Variants in OGFOD3 observed in about 807,000 individuals in gnomAD.
OGFOD3 encodes the protein 2-oxoglutarate and iron-dependent oxygenase domain-containing protein 3.
A neutral mutation model predicts 39.8 loss-of-function variants in OGFOD3; 35 were observed. The ratio of observed to expected loss-of-function variants is 0.88; its 90% CI spans 0.67 to 1.17. The LOEUF (loss-of-function observed/expected upper bound fraction) is 1.17, where lower values mean the gene tolerates loss of function less well. Among genes scored for constraint, OGFOD3 ranks in the 50% most tolerant of loss-of-function variants. The probability of loss-of-function intolerance (pLI) is 0.00; values close to 1 mark genes in which losing one functional copy is unlikely to be tolerated. For missense variants in OGFOD3, 438 were observed against 454.5 expected (o/e 0.96, Z 0.33); for synonymous variants, 200 against 192.0 (o/e 1.04, Z -0.34).
In OGFOD3 at chr17:82,392,445, A is replaced by G. The variant is rs772896138; in HGVS notation, c.913T>C (p.Phe305Leu). The change falls in exon 9 of 9, where the codon TTC (phenylalanine) becomes CTC (leucine). Residue 305 changes from phenylalanine to leucine, a missense_variant. Physicochemically the swap from Phe to Leu is conservative, Grantham distance 22. Coordinates refer to ENST00000313056, the MANE Select transcript of OGFOD3 (RefSeq NM_024648.3). This position sits in a 1 kb window ranked among gnomAD's most constrained non-coding sequence, Gnocchi z 4.2. ...WGTRYAITIA[F>L]SCNPDHGIED... ...ATGCCATGGTCGGGGTTGCAGCTGAAGGCGATGGTGATGGCGTAACGGGTG... is the reference window on the plus strand; with the variant it reads ...ATGCCATGGTCGGGGTTGCAGCTGAGGGCGATGGTGATGGCGTAACGGGTG... 1 of 1,612,922 alleles carries G rather than the reference A, an allele frequency of 6.2e-7. No homozygotes were observed. The highest frequency in any genetic ancestry group is 1.1e-5 in the South Asian group (1 of 90,686).
chr17:82,403,874 C>T (rs1320326231), intron 7 of OGFOD3, 63 bp downstream of exon 7: 4 of 1,530,608 alleles, frequency 2.6e-6, no homozygotes, highest in East Asian at 2.4e-5. Context: ...GCGCACTCAC[C>T]GTGCCCACGG....
In OGFOD3 at chr17:82,394,818, C is replaced by T. The variant is rs978315932; in HGVS notation, c.824-2284G>A. 4.6e-5 allele frequency among the ~76,000 whole-genome samples: 7 copies of T among 152,292 alleles called. No individual in the cohort carries two copies. In the East Asian group the frequency reaches 5.8e-4, roughly 13 times the overall value. ...AGAGGGGCTGGGGACAGAGGCCAGCCGTGCCTGCACCACCAGCCCCCCAGT... is the reference window on the plus strand; with the variant it reads ...AGAGGGGCTGGGGACAGAGGCCAGCTGTGCCTGCACCACCAGCCCCCCAGT... On this transcript the variant is annotated intron_variant, in intron 8 of 8. Transcript: ENST00000313056.
chr17:82,407,626 G>A (rs754337602), intron 4 of OGFOD3, among the ~76,000 whole-genome samples: 10 of 152,190 alleles, frequency 6.6e-5, no homozygotes, highest in Non-Finnish European at 1.2e-4. Context: ...GACCCCAGAG[G>A]AGCCCCACTG....
In OGFOD3 at chr17:82,415,409, C is replaced by T. The variant is rs1451615375; in HGVS notation, c.293G>A (p.Arg98His). ...CTTTCCTGAACTACCTTCGAACCTGCGGTGACTGTCGTAGTCCTCAGAGCA... is the reference window on the plus strand; with the variant it reads ...CTTTCCTGAACTACCTTCGAACCTGTGGTGACTGTCGTAGTCCTCAGAGCA... ...VPCSEDYDSH[R>H]RFEGCTPRKC... is the part of the protein sequence containing the mutation. The change falls in exon 2 of 9, where the codon CGC (arginine) becomes CAC (histidine). Residue 98 changes from arginine to histidine, a missense_variant. Transcript: ENST00000313056. The surrounding 1 kb of genome is among the most constrained non-coding windows in gnomAD (Gnocchi z 5.3). The T allele has an allele frequency of 6.2e-7, 1 of 1,613,098 alleles. No homozygotes were observed. Among genetic ancestry groups the T allele is most frequent in the Admixed American group, 1.7e-5 (1 of 59,952 alleles).
At chr17:82,398,114 G>C (rs1343683794) in intron 8 of OGFOD3, 82 bp downstream of exon 8, 2 of 1,547,330 alleles carry the variant, frequency 1.3e-6, no homozygotes, top group Non-Finnish European at 1.8e-6. Flanking sequence ...ACTCAGCCTC[G>C]CTCCCAGGGA....
rs1292362448 is a variant in OGFOD3, at chr17:82,405,269, C to T, written c.545+55G>A. On this transcript the variant is annotated intron_variant, in intron 6 of 8. Transcript: ENST00000313056. ...CCGGACCGGCCAGCTCTGCCACACC[C>T]CTCAGCCCCAGGCCACCCCGCCTGC... is the stretch of plus-strand genomic sequence containing the variant. 4 of 1,506,256 alleles carry T rather than the reference C, an allele frequency of 2.7e-6. No individual in the cohort carries two copies. The East Asian group carries it at 6.8e-5, about 26-fold the overall frequency. The allele number at this position is 1,506,256 out of a possible 1,614,324, so 93.3% of individuals were successfully genotyped here. A position where few individuals can be genotyped will look rare whatever the true frequency, so the allele number is the denominator to read the frequency against.
In OGFOD3 at chr17:82,406,850, C is replaced by T. The variant is rs528432748; in HGVS notation, c.424-368G>A. Among the ~76,000 whole-genome samples the T allele has an allele frequency of 8.7e-3, 1,325 of 152,292 alleles. 19 individuals are homozygous for T. Among genetic ancestry groups the T allele is most frequent in the Non-Finnish European group, 0.014 (977 of 68,026 alleles). On this transcript the variant is annotated intron_variant, in intron 4 of 8. Transcript: ENST00000313056. The surrounding 1 kb of genome is among the most constrained non-coding windows in gnomAD (Gnocchi z 5.2). Reference sequence around the variant, plus strand: ...CTCCGGGGCTCAAGTGATCCTCCCACCTCAGCCTCCCAAAGTACTGGGATT... The same window carrying T: ...CTCCGGGGCTCAAGTGATCCTCCCATCTCAGCCTCCCAAAGTACTGGGATT...
chr17:82,403,981 C>A lies in OGFOD3; in HGVS notation c.655G>T (p.Ala219Ser). The change falls in exon 7 of 9, where the codon GCG becomes TCG. Residue 219 changes from alanine (A) to serine (S), a missense_variant. By Grantham distance (99) the Ala-to-Ser change is moderately conservative (BLOSUM62 1). Coordinates refer to ENST00000313056, the MANE Select transcript of OGFOD3 (RefSeq NM_024648.3). ...TFFSRINSTE[A>S]RTAHDEYWHA... ...CAGTACTCGTCGTGCGCCGTCCGCG[C>A]TTCCGTGCTGTTTATGCGGGAGAAG... is the stretch of plus-strand genomic sequence containing the variant. 6.2e-7 allele frequency: 1 copy of A among 1,610,108 alleles called. No homozygotes were observed. The highest frequency in any genetic ancestry group is 1.1e-5 in the South Asian group (1 of 90,248).
chr17:82,395,547 C>T (rs944565821), intron 8 of OGFOD3, among the ~76,000 whole-genome samples: 2 of 152,156 alleles, frequency 1.3e-5, no homozygotes, highest in Admixed American at 6.5e-5. Flanking sequence ...CACGGCCGGG[C>T]GTGGTGGCTC....
rs1485041130 is a variant in OGFOD3 at position 82,398,229 on chromosome 17, C to T, written c.790G>A (p.Glu264Lys). ...FGGGRFMFME[E>K]GANKTVEPRA... ...GGCTCCACCGTCTTGTTGGCACCCT[C>T]CTCCATGAACATGAACCGCCCTCCG... Residue 264 changes from glutamate to lysine, a missense_variant, in exon 8 of 9, where the codon GAG (glutamate) becomes AAG (lysine). Glu to Lys is a moderately conservative substitution (Grantham distance 56). Transcript: ENST00000313056. 6.2e-7 allele frequency: 1 copy of T among 1,614,022 alleles called. No homozygotes were observed. The highest frequency in any genetic ancestry group is 8.5e-7 in the Non-Finnish European group (1 of 1,180,014).
Position 82,392,591 on chromosome 17 carries a change from T to A in OGFOD3, c.824-57A>T. 1 of 1,542,978 alleles carries A rather than the reference T, an allele frequency of 6.5e-7. No homozygotes were observed. The highest frequency in any genetic ancestry group is 1.2e-5 in the South Asian group (1 of 82,660). On this transcript the variant is annotated intron_variant, in intron 8 of 8. Coordinates refer to ENST00000313056, the MANE Select transcript of OGFOD3 (RefSeq NM_024648.3). This position sits in a 1 kb window ranked among gnomAD's most constrained non-coding sequence, Gnocchi z 4.2. ...AGAGCCACACCCACGGCCACAGCCT[T>A]CAGAGGGTCTGCGGTCACCTGAAAG...
Position 82,415,821 on chromosome 17 carries a change from C to G in OGFOD3, c.75-194G>C, listed in dbSNP as rs1325861492. 6.6e-6 allele frequency among the ~76,000 whole-genome samples: 1 copy of G among 151,844 alleles called. No individual in the cohort carries two copies. The highest frequency in any genetic ancestry group is 2.4e-5 in the African/African-American group (1 of 41,276). ...CTTCCCTCCCTTTCCCTTCAGGGATCTCCAATACACACTAACTGCCTTCTG... is the reference window on the plus strand; with the variant it reads ...CTTCCCTCCCTTTCCCTTCAGGGATGTCCAATACACACTAACTGCCTTCTG... On this transcript the variant is annotated intron_variant, in intron 1 of 8. Coordinates refer to ENST00000313056, the MANE Select transcript of OGFOD3 (RefSeq NM_024648.3). The surrounding 1 kb of genome is among the most constrained non-coding windows in gnomAD (Gnocchi z 5.3).
chr17:82,394,474 GC>G lies in OGFOD3; in HGVS notation c.824-1941del, dbSNP rs759348196. 3.1e-5 allele frequency: 50 copies of G among 1,614,028 alleles called. No homozygotes were observed. The African/African-American group carries it at 5.9e-4, about 19-fold the overall frequency. ...ACACCTGACTCCAGCCTTCGCACCA[GC>G]AGCTTCACTGGCTCTCGGTCCATTA... On this transcript the variant is annotated intron_variant, in intron 8 of 8. Coordinates refer to ENST00000313056, the MANE Select transcript of OGFOD3 (RefSeq NM_024648.3).
chr17:82,401,926 G>A (rs2052774232), intron 7 of OGFOD3, among the ~76,000 whole-genome samples: 1 of 151,930 alleles, frequency 6.6e-6, no homozygotes, highest in Non-Finnish European at 1.5e-5. Context: ...GGCATGGTGG[G>A]GCAGCAAGAG....
In OGFOD3 at chr17:82,415,417, G is replaced by A. The variant is rs1335624661; in HGVS notation, c.285C>T (p.Asp95=). The stretch of plus-strand genomic sequence containing the variant: ...AACTACCTTCGAACCTGCGGTGACT[G>A]TCGTAGTCCTCAGAGCAGGGCACCT... ...FIEVPCSEDY[D]SHRRFEGCTP... is the part of the protein sequence containing the mutation. Residue 95 remains aspartate, a synonymous_variant, in exon 2 of 9, where the codon GAC becomes GAT. Transcript: ENST00000313056. The surrounding 1 kb of genome is among the most constrained non-coding windows in gnomAD (Gnocchi z 5.3). 6.2e-7 allele frequency: 1 copy of A among 1,613,822 alleles called. No homozygotes were observed.
rs185155943 is a variant in OGFOD3 at position 82,401,664 on chromosome 17, C to T, written c.699+2273G>A. ...ACTAAAAATACAAAAATTAGCCGGC[C>T]GCAGTGGCACGCACCTGTAATCCCA... On this transcript the variant is annotated intron_variant, in intron 7 of 8. Transcript: ENST00000313056. Among the ~76,000 whole-genome samples, 131 of 151,164 alleles carry T rather than the reference C, an allele frequency of 8.7e-4. No individual in the cohort carries two copies. In the Middle Eastern group the frequency reaches 0.014, roughly 16 times the overall value.
At chr17:82,402,003 A>G (rs2052775123) in intron 7 of OGFOD3, among the ~76,000 whole-genome samples, 2 of 152,090 alleles carry the variant, frequency 1.3e-5, no homozygotes, top group Admixed American at 1.3e-4. Flanking sequence ...TCCAGGGCTC[A>G]CAGTGCCATT....
chr17:82,403,125 C>T (rs766561161), intron 7 of OGFOD3, among the ~76,000 whole-genome samples: 8 of 152,130 alleles, frequency 5.3e-5, no homozygotes, highest in Non-Finnish European at 1.0e-4. Flanking sequence ...ACACAGAGAC[C>T]TGGGCCACAG....
At chr17:82,401,746 G>A (rs1048664464) in intron 7 of OGFOD3, among the ~76,000 whole-genome samples, 3 of 142,224 alleles carry the variant, frequency 2.1e-5, no homozygotes, top group Admixed American at 1.5e-4. Context: ...AGAGGTTGCA[G>A]TGAGCTGAGA....
Sources: gnomAD v4.1 joint callset for allele counts (sites outside exome capture counted in the v4.1 genomes callset) on GRCh38, gnomAD v4.1.1 for gene constraint, Gnocchi (gnomAD v3.1) non-coding constraint, MANE v1.5 for transcripts, NCBI Gene and HGNC (gene_info 2026-07-23, HGNC 2026-07-21) for gene names.